ST6GALNAC3: variants seen among roughly 807,000 people sequenced by gnomAD.
ST6GALNAC3 encodes alpha-N-acetylgalactosaminide alpha-2,6-sialyltransferase 3.
Under a neutral mutation model 32.7 loss-of-function variants are expected in ST6GALNAC3, and 25 were observed. The ratio of observed to expected loss-of-function variants is 0.76; its 90% CI spans 0.56 to 1.07. ST6GALNAC3 has a LOEUF of 1.07. Ranked by LOEUF, ST6GALNAC3 falls within the 50% of genes least tolerant of loss-of-function variation. The probability of loss-of-function intolerance (pLI) is 0.00; values close to 1 mark genes in which losing one functional copy is unlikely to be tolerated. For synonymous variants in ST6GALNAC3, 129 were observed against 133.1 expected, an observed-to-expected ratio of 0.97 and a Z score of 0.21; for missense variants, 355 against 382.4, an observed-to-expected ratio of 0.93 and a Z score of 0.60.
chr1:76,591,978 A>G (rs1049751651), intron 3 of ST6GALNAC3, among the ~76,000 whole-genome samples: 1 of 152,220 alleles, frequency 6.6e-6, no homozygotes, highest in Non-Finnish European at 1.5e-5. Flanking sequence ...CATAGCATGC[A>G]AGTAAAGGGT....
At chr1:76,433,132 T>G in intron 3 of ST6GALNAC3, among the ~76,000 whole-genome samples, 1 of 152,116 alleles carries the variant, frequency 6.6e-6, no homozygotes, top group Non-Finnish European at 1.5e-5. Flanking sequence ...AGTGCCATCG[T>G]TTTTTGAGAC....
At chr1:76,347,941 A>T (rs939067875) in intron 2 of ST6GALNAC3, among the ~76,000 whole-genome samples, 6 of 152,190 alleles carry the variant, frequency 3.9e-5, no homozygotes, top group Non-Finnish European at 8.8e-5. Flanking sequence ...TTTATGATTG[A>T]TCTTCATTTT....
At chr1:76,351,298 T>A (rs2101022103) in intron 2 of ST6GALNAC3, among the ~76,000 whole-genome samples, 1 of 152,290 alleles carries the variant, frequency 6.6e-6, no homozygotes, top group East Asian at 1.9e-4. Context: ...AAGAAATGTG[T>A]GGGCCTAAAT....
At chr1:76,616,771 T>C (rs978861300) in intron 3 of ST6GALNAC3, among the ~76,000 whole-genome samples, 11 of 152,140 alleles carry the variant, frequency 7.2e-5, no homozygotes, top group Non-Finnish European at 2.9e-5. Flanking sequence ...ATGGGGTTGC[T>C]GGGGGTATCA....
intron 1 of ST6GALNAC3, among the ~76,000 whole-genome samples, chr1:76,117,711 T>G (rs1025890457): frequency 1.3e-5 from 2 of 152,180 alleles, no homozygotes; most frequent in African/African-American, 4.8e-5. Flanking sequence ...AATTCCACAC[T>G]GTGGTAAGAT....
At chr1:76,588,632 A>C (rs551665047) in intron 3 of ST6GALNAC3, among the ~76,000 whole-genome samples, 1 of 152,296 alleles carries the variant, frequency 6.6e-6, no homozygotes, top group African/African-American at 2.4e-5. Context: ...TCCCTTGACA[A>C]CTAGCTTCTA....
chr1:76,127,219 A>G (rs1649311222), intron 1 of ST6GALNAC3, among the ~76,000 whole-genome samples: 1 of 152,214 alleles, frequency 6.6e-6, no homozygotes, highest in African/African-American at 2.4e-5. Context: ...AAAGGCCCAA[A>G]TAACTTGCTG....
rs556128379 is a variant in ST6GALNAC3, at chr1:76,471,966, G to T, written c.623+59549G>T. 9.9e-5 allele frequency among the ~76,000 whole-genome samples: 15 copies of T among 152,004 alleles called. No individual in the cohort carries two copies. The South Asian group carries it at 1.5e-3, about 15-fold the overall frequency. On this transcript the variant is annotated intron_variant, in intron 3 of 4. Coordinates refer to ENST00000328299, the MANE Select transcript of ST6GALNAC3 (RefSeq NM_152996.4). ...TGGGTTTTATAAAGTGCTTCTAAGG[G>T]CCAAAGAGCTTTGCTGGCCCATGGT...
intron 1 of ST6GALNAC3, among the ~76,000 whole-genome samples, chr1:76,221,678 G>A (rs1655779950): frequency 1.3e-5 from 2 of 151,972 alleles, no homozygotes; most frequent in Non-Finnish European, 2.9e-5. Flanking sequence ...CATTTCAGAT[G>A]TTCAGTAACT....
chr1:76,624,824 C>A (rs1010063106), intron 3 of ST6GALNAC3, among the ~76,000 whole-genome samples: 1 of 151,782 alleles, frequency 6.6e-6, no homozygotes. Context: ...AACTTTATAC[C>A]CAGCTTATAT....
At chr1:76,278,949 T>A (rs1311247559) in intron 1 of ST6GALNAC3, among the ~76,000 whole-genome samples, 1 of 152,206 alleles carries the variant, frequency 6.6e-6, no homozygotes, top group African/African-American at 2.4e-5. Context: ...TCTAAGCATT[T>A]GAGTACAATG....
chr1:76,481,784 A>G (rs76692899), intron 3 of ST6GALNAC3, among the ~76,000 whole-genome samples: 6 of 152,146 alleles, frequency 3.9e-5, no homozygotes, highest in Admixed American at 3.9e-4. Context: ...TGCATTAGGC[A>G]TGCTTATTTT....
intron 3 of ST6GALNAC3, among the ~76,000 whole-genome samples, chr1:76,540,499 A>C (rs1232967586): frequency 6.6e-6 from 1 of 152,192 alleles, no homozygotes; most frequent in Admixed American, 6.5e-5. Flanking sequence ...ACAAGCATTA[A>C]AAATGGAAAT....
intron 3 of ST6GALNAC3, among the ~76,000 whole-genome samples, chr1:76,492,236 G>A (rs1660546064): frequency 6.6e-6 from 1 of 152,126 alleles, no homozygotes. Flanking sequence ...CCTTATTGGT[G>A]TTGCACAGGC....
intron 1 of ST6GALNAC3, among the ~76,000 whole-genome samples, chr1:76,306,828 C>G (rs1011626307): frequency 1.3e-5 from 2 of 151,882 alleles, no homozygotes; most frequent in Non-Finnish European, 1.5e-5. Context: ...TTTAACATGC[C>G]TGTACATTTT....
chr1:76,094,033 T>G (rs141982936), intron 1 of ST6GALNAC3, among the ~76,000 whole-genome samples: 5 of 152,334 alleles, frequency 3.3e-5, no homozygotes, highest in African/African-American at 9.6e-5. Context: ...TAAGAACTTA[T>G]GAGGCTTGGG....
chr1:76,262,682 C>A (rs1287761097), intron 1 of ST6GALNAC3, among the ~76,000 whole-genome samples: 1 of 152,120 alleles, frequency 6.6e-6, no homozygotes, highest in Non-Finnish European at 1.5e-5. Context: ...AGAAAGATGG[C>A]AGTGGAATTA....
At chr1:76,101,236 G>A (rs549024641) in intron 1 of ST6GALNAC3, among the ~76,000 whole-genome samples, 3 of 152,046 alleles carry the variant, frequency 2.0e-5, no homozygotes, top group Non-Finnish European at 4.4e-5. Context: ...TTTTCCGGAA[G>A]GTCATATAGT....
At chr1:76,217,992 T>C (rs1655566814) in intron 1 of ST6GALNAC3, among the ~76,000 whole-genome samples, 5 of 152,180 alleles carry the variant, frequency 3.3e-5, no homozygotes, top group Admixed American at 3.3e-4. Flanking sequence ...GTGCAATTTT[T>C]TTTTTGTATA....
Sources: allele counts gnomAD v4.1 joint callset (sites outside exome capture counted in the v4.1 genomes callset), GRCh38; gene constraint gnomAD v4.1.1; transcripts MANE v1.5; gene names NCBI Gene and HGNC (gene_info 2026-07-23, HGNC 2026-07-21).